The following SCUBE2 variants were observed in gnomAD, a reference collection of about 807,000 sequenced individuals.
SCUBE2 encodes the protein signal peptide, CUB and EGF-like domain-containing protein 2.
SCUBE2 carries 114 observed loss-of-function variants against 125.9 expected under a neutral mutation model. The observed-to-expected ratio is 0.91, with a 90% CI of 0.78 to 1.06. The LOEUF is 1.06. Ranked by LOEUF, SCUBE2 falls within the 50% of genes least tolerant of loss-of-function variation. The pLI is 0.00. For synonymous variants in SCUBE2, 459 were observed against 492.9 expected, an observed-to-expected ratio of 0.93 and a Z score of 0.91; for missense variants, 1,255 against 1,301.8, an observed-to-expected ratio of 0.96 and a Z score of 0.55.
chr11:9,057,018 T>C (rs1021439010), intron 9 of SCUBE2, among the ~76,000 whole-genome samples: 2 of 152,232 alleles, frequency 1.3e-5, no homozygotes, highest in Admixed American at 6.5e-5. Flanking sequence ...ATTTGTTCTG[T>C]GCAAGTATTT....
At chr11:9,086,935 C>A (rs1471209440) in intron 2 of SCUBE2, among the ~76,000 whole-genome samples, 1 of 151,464 alleles carries the variant, frequency 6.6e-6, no homozygotes, top group East Asian at 1.9e-4. Context: ...TCAAATTCTT[C>A]TAGGGTTTGA....
Position 9,047,493 on chromosome 11 carries a change from C to T in SCUBE2, c.1865G>A (p.Arg622Lys). The T allele has an allele frequency of 6.2e-7, 1 of 1,613,856 alleles. No homozygotes were observed. Among genetic ancestry groups the T allele is most frequent in the Non-Finnish European group, 8.5e-7 (1 of 1,180,004 alleles). ...KRLRKAIRTL[R>K]KAVHREQFHL... ...AAACTGCTCCCTGTGGACGGCCTTT[C>T]TGAGCGTGCGGATGGCTTTACGGAG... The change falls in exon 16 of 23, where the codon AGA becomes AAA. Residue 622 changes from arginine to lysine, a missense_variant. This residue lies in a region of SCUBE2 where 515 missense variants were observed against 515.7 expected (regional missense o/e 1.00). Transcript: ENST00000649792.
chr11:9,089,231 C>T (rs777099733), intron 2 of SCUBE2, among the ~76,000 whole-genome samples: 8 of 152,210 alleles, frequency 5.3e-5, no homozygotes, highest in Non-Finnish European at 8.8e-5. Flanking sequence ...AAGCTTGGCA[C>T]GTCACAATGC....
chr11:9,060,660 G>C, intron 7 of SCUBE2, 136 bp from the exon 8 acceptor site: 1 of 678,570 alleles, frequency 1.5e-6, no homozygotes, highest in East Asian at 2.6e-5. Flanking sequence ...AGATGGGCTA[G>C]AGGGAGAGCA....
At chr11:9,052,877 A>G in intron 12 of SCUBE2, 45 bp from the exon 13 acceptor site, 1 of 1,443,852 alleles carries the variant, frequency 6.9e-7, no homozygotes, top group African/African-American at 1.4e-5. Context: ...GCAAGGTCAC[A>G]GGCTATCCTG....
chr11:9,024,473 T>C (rs1291734945), intron 21 of SCUBE2: 1 of 1,193,516 alleles, frequency 8.4e-7, no homozygotes, highest in Non-Finnish European at 1.1e-6. Flanking sequence ...CATAGAATAT[T>C]GTCTTCCCAA....
chr11:9,065,769 G>A (rs1860157340), intron 7 of SCUBE2, 122 bp downstream of exon 7: 5 of 747,212 alleles, frequency 6.7e-6, no homozygotes, highest in Admixed American at 2.1e-5. Context: ...GTTCACAGGA[G>A]CTGCTCACCC....
At chr11:9,066,057 G>A (rs1860195982) in intron 6 of SCUBE2, 77 bp from the exon 7 acceptor site, 2 of 952,954 alleles carry the variant, frequency 2.1e-6, no homozygotes. Context: ...TGTGTTTGCT[G>A]AAATCCCAGA....
At chr11:9,027,221 C>T in intron 20 of SCUBE2, 143 bp downstream of exon 20, 1 of 778,556 alleles carries the variant, frequency 1.3e-6, no homozygotes, top group Non-Finnish European at 2.1e-6. Flanking sequence ...TTTTGTTTCT[C>T]ACCAACTCTA....
At chr11:9,043,293 C>T (rs912653789) in intron 16 of SCUBE2, among the ~76,000 whole-genome samples, 1 of 152,128 alleles carries the variant, frequency 6.6e-6, no homozygotes, top group Non-Finnish European at 1.5e-5. Flanking sequence ...CACATGCATA[C>T]ACACACATAT....
chr11:9,049,061 T>G (rs186382864), intron 14 of SCUBE2, among the ~76,000 whole-genome samples: 28 of 152,352 alleles, frequency 1.8e-4, no homozygotes, highest in Non-Finnish European at 3.2e-4. Context: ...CATATATATT[T>G]TTTTAACTTT....
chr11:9,085,823 T>C (rs1457074256), intron 2 of SCUBE2, among the ~76,000 whole-genome samples: 1 of 78,312 alleles, frequency 1.3e-5, no homozygotes, highest in East Asian at 4.7e-4. Flanking sequence ...ATTCAATCTC[T>C]TTAGTTTTTT....
At chr11:9,056,667 G>A (rs1859116727) in intron 9 of SCUBE2, among the ~76,000 whole-genome samples, 1 of 152,126 alleles carries the variant, frequency 6.6e-6, no homozygotes, top group Non-Finnish European at 1.5e-5. Flanking sequence ...GGCTGCATTT[G>A]TCCATCTCAG....
rs1462454193 is a variant in SCUBE2, at chr11:9,091,497, G to A, written c.32C>T (p.Ala11Val). MGVAGRNRPG[A>V]AWAVLLLLLL... ...CAGCAGCAGCAGCACCGCCCAGGCC[G>A]CCCCGGGACGGTTGCGGCCCGCGAC... Residue 11 changes from alanine (A) to valine (V), a missense_variant, in exon 1 of 23, where the codon GCG becomes GTG. Physicochemically the swap from Ala to Val is moderately conservative, Grantham distance 64 (BLOSUM62 0). Transcript: ENST00000649792. The surrounding 1 kb of genome is among the most constrained non-coding windows in gnomAD (Gnocchi z 8.5). 7 of 1,100,404 alleles carry A rather than the reference G, an allele frequency of 6.4e-6. No individual in the cohort carries two copies. Among genetic ancestry groups the A allele is most frequent in the South Asian group, 3.0e-5 (1 of 33,134 alleles). 68.2% of individuals were successfully genotyped at this position (1,100,404 alleles called of 1,614,324 possible).
rs1194420645 is a variant in SCUBE2, at chr11:9,019,607, T to C, written c.*1438A>G. Among the ~76,000 whole-genome samples the C allele has an allele frequency of 6.6e-6, 1 of 152,124 alleles. No homozygotes were observed. The highest frequency in any genetic ancestry group is 2.4e-5 in the African/African-American group (1 of 41,400). ...AAATAAAGAAGTTTGATTAGGACTT[T>C]TTAAGAATCAATGTTATTAACAGGT... On this transcript the variant is annotated 3_prime_UTR_variant, in exon 23 of 23. Coordinates refer to ENST00000649792, the MANE Select transcript of SCUBE2 (RefSeq NM_001367977.2).
At chr11:9,034,103 T>A (rs1265779892) in intron 16 of SCUBE2, among the ~76,000 whole-genome samples, 2 of 152,248 alleles carry the variant, frequency 1.3e-5, no homozygotes, top group African/African-American at 4.8e-5. Flanking sequence ...GAGAGATTTT[T>A]AAAAATCCTG....
chr11:9,076,439 A>G (rs538491008), intron 3 of SCUBE2, among the ~76,000 whole-genome samples: 1 of 151,942 alleles, frequency 6.6e-6, no homozygotes, highest in Non-Finnish European at 1.5e-5. Flanking sequence ...CTAGATTGCA[A>G]ACTCCTTGAG....
At position 9,091,304 on chromosome 11, in the gene SCUBE2, C is replaced by T; in HGVS notation, c.133+92G>A. The T allele has an allele frequency of 3.2e-6, 3 of 952,176 alleles. No individual in the cohort carries two copies. The highest frequency in any genetic ancestry group is 4.0e-6 in the Non-Finnish European group (3 of 741,708). The allele number at this position is 952,176 out of a possible 1,614,324, so 59.0% of individuals were successfully genotyped here. A position where few individuals can be genotyped will look rare whatever the true frequency, so the allele number is the denominator to read the frequency against. ...AGCTGCAGCCGCCAGCCCCGAGCCCCGCGCGCCCGGCTCTGGACTCCGCCG... is the reference window on the plus strand; with the variant it reads ...AGCTGCAGCCGCCAGCCCCGAGCCCTGCGCGCCCGGCTCTGGACTCCGCCG... On this transcript the variant is annotated intron_variant, in intron 1 of 22. Transcript: ENST00000649792. The surrounding 1 kb of genome is among the most constrained non-coding windows in gnomAD (Gnocchi z 8.5).
chr11:9,026,039 A>T (rs1855722121), intron 20 of SCUBE2, 185 bp from the exon 21 acceptor site: 1 of 593,494 alleles, frequency 1.7e-6, no homozygotes, highest in Non-Finnish European at 2.8e-6. Flanking sequence ...GTAATTGTGG[A>T]CCCCCAGGGG....
Sources: allele counts gnomAD v4.1 joint callset (sites outside exome capture counted in the v4.1 genomes callset), GRCh38; gene constraint gnomAD v4.1.1; regional missense constraint gnomAD v4.1.1; non-coding constraint Gnocchi (gnomAD v3.1); transcripts MANE v1.5; gene names NCBI Gene and HGNC (gene_info 2026-07-23, HGNC 2026-07-21).